FAM120C: variants seen among roughly 807,000 people sequenced by gnomAD.
FAM120C encodes the protein family with sequence similarity 120 member C.
Under a neutral mutation model 71.2 loss-of-function variants are expected in FAM120C, and 14 were observed. That is an observed-to-expected ratio of 0.20 (90% CI 0.13 to 0.31). FAM120C has a LOEUF of 0.31. FAM120C is among the 10% of genes least tolerant of loss of function. The pLI is 1.00. For synonymous variants in FAM120C, 354 were observed against 353.2 expected, an observed-to-expected ratio of 1.00 and a Z score of -0.03; for missense variants, 500 against 879.0, an observed-to-expected ratio of 0.57 and a Z score of 5.45.
Position 54,182,694 on chromosome X carries a change from C to A in FAM120C, c.505G>T (p.Val169Phe). Residue 169 changes from valine to phenylalanine, a missense_variant, in exon 1 of 16, where the codon GTC becomes TTC. Transcript: ENST00000375180. ...YPGGDGLELV[V>F]MFPGGLGKDR... is the part of the protein sequence containing the mutation. ...TTGCCCAGGCCCCCCGGGAACATGA[C>A]CACGAGCTCCAGGCCGTCGCCGCCA... 4.1e-6 allele frequency: 5 copies of A among 1,209,747 alleles called. No homozygotes were observed. The highest frequency in any genetic ancestry group is 4.5e-6 in the Non-Finnish European group (4 of 894,851).
chrX:54,174,663 AGAT>A (rs1486311514), intron 1 of FAM120C, among the ~76,000 whole-genome samples: 1 of 112,751 alleles, frequency 8.9e-6, no homozygotes, highest in Non-Finnish European at 1.9e-5. Flanking sequence ...TCATTCAACT[AGAT>A]GATGCCTTAA....
In FAM120C at chrX:54,182,869, G is replaced by GGGCGGC. The variant is rs781789688; in HGVS notation, c.324_329dup (p.Pro110_Pro111dup). 160,818 of 1,128,692 alleles carry GGGCGGC rather than the reference G, an allele frequency of 0.14. 9,300 individuals are homozygous for GGGCGGC. The highest frequency in any genetic ancestry group is 0.18 in the Middle Eastern group (686 of 3,774). 93.0% of individuals were successfully genotyped at this position (1,128,692 alleles called of 1,213,427 possible). A position where few individuals can be genotyped will look rare whatever the true frequency, so the allele number is the denominator to read the frequency against. ...GCACCCGGGCCCCGGGCAGCTGAGG[G>GGGCGGC]GGCGGCGGCGGCGGCAGCGGAGGGT... is the stretch of plus-strand genomic sequence containing the variant. On this transcript the variant is annotated inframe_insertion, in exon 1 of 16. Transcript: ENST00000375180.
At chrX:54,129,435 A>G (rs1237004181) in intron 9 of FAM120C, among the ~76,000 whole-genome samples, 3 of 107,351 alleles carry the variant, frequency 2.8e-5, no homozygotes, top group African/African-American at 1.0e-4. Flanking sequence ...GGCCGGGCAG[A>G]GAAGCTCCTC....
At chrX:54,101,058 T>C (rs782798926) in intron 10 of FAM120C, among the ~76,000 whole-genome samples, 1 of 111,906 alleles carries the variant, frequency 8.9e-6, no homozygotes, top group East Asian at 2.8e-4. Context: ...TACAAGTCTC[T>C]ACCTGGGCTC....
chrX:54,102,724 G>GT (rs782079582), intron 10 of FAM120C, among the ~76,000 whole-genome samples: 291 of 64,832 alleles, frequency 4.5e-3, no homozygotes, highest in African/African-American at 0.012. Flanking sequence ...GTATTTACGT[G>GT]TTTTTTTTTT....
chrX:54,134,083 G>A, intron 7 of FAM120C, 37 bp from the exon 8 acceptor site: 1 of 1,176,108 alleles, frequency 8.5e-7, no homozygotes, highest in Non-Finnish European at 1.1e-6. Context: ...AACAGAAAAG[G>A]GAGATTGATA....
Position 54,072,573 on chromosome X carries a change from A to C in FAM120C, c.*460T>G, listed in dbSNP as rs2066715807. On this transcript the variant is annotated 3_prime_UTR_variant, in exon 16 of 16. Transcript: ENST00000375180. ...AGATACCACTTCATAGAGAAAAAAAAAAAACAAAAAAAAACCTCAGGAGGC... is the reference window on the plus strand; with the variant it reads ...AGATACCACTTCATAGAGAAAAAAACAAAACAAAAAAAAACCTCAGGAGGC... The C allele has an allele frequency of 9.1e-6, 1 of 110,013 alleles. No individual in the cohort carries two copies. The highest frequency in any genetic ancestry group is 3.4e-5 in the African/African-American group (1 of 29,833). 9.1% of individuals were successfully genotyped at this position (110,013 alleles called of 1,213,427 possible).
chrX:54,154,354 T>C (rs1260735397), intron 3 of FAM120C, among the ~76,000 whole-genome samples: 2 of 109,174 alleles, frequency 1.8e-5, no homozygotes, highest in East Asian at 5.8e-4. Context: ...ACACCTGTAA[T>C]CCAGCACTTT....
At chrX:54,174,184 AAGAG>A (rs781920600) in intron 1 of FAM120C, 7 of 510,500 alleles carry the variant, frequency 1.4e-5, no homozygotes, top group African/African-American at 4.6e-5. Flanking sequence ...GCCAGAGAGA[AAGAG>A]AGAGAGAGTG....
chrX:54,163,874 CCTT>C (rs2067246003), intron 1 of FAM120C, among the ~76,000 whole-genome samples: 1 of 104,892 alleles, frequency 9.5e-6, no homozygotes, highest in Non-Finnish European at 1.9e-5. Context: ...TTGCCCCCCT[CCTT>C]TTTATGTTGT....
chrX:54,151,430 A>T, intron 3 of FAM120C, 57 bp from the exon 4 acceptor site: 1 of 1,128,498 alleles, frequency 8.9e-7, no homozygotes, highest in South Asian at 2.0e-5. Flanking sequence ...ACTAAGAAAA[A>T]GAGTGAAGTT....
chrX:54,132,710 G>A lies in FAM120C; in HGVS notation c.2044C>T (p.Arg682Trp), dbSNP rs782582515. ...QRKMERLAMR[R>W]RLPVEVPSVI... is the part of the protein sequence containing the mutation. ...CACTTACCTTCCACAGGCAGCCGCC[G>A]TCGCATGGCCAAGCGTTCCATTTTC... The change falls in exon 9 of 16, where the codon CGG becomes TGG. Residue 682 changes from arginine to tryptophan, a missense_variant. Arg to Trp is a moderately radical substitution (Grantham distance 101, BLOSUM62 -3). Transcript: ENST00000375180. The A allele has an allele frequency of 8.3e-6, 10 of 1,203,370 alleles. No homozygotes were observed. The highest frequency in any genetic ancestry group is 3.6e-5 in the South Asian group (2 of 55,163).
In FAM120C at chrX:54,183,185, C is replaced by G; in HGVS notation, c.14G>C (p.Gly5Ala). The G allele has an allele frequency of 8.9e-7, 1 of 1,124,421 alleles. No individual in the cohort carries two copies. The highest frequency in any genetic ancestry group is 3.5e-5 in the East Asian group (1 of 28,807). The allele number at this position is 1,124,421 out of a possible 1,213,427, so 92.7% of individuals were successfully genotyped here. The part of the protein sequence containing the change: MGVQ[G>A]FQEFLEKRCP... ...GCGCTTCTCCAGGAACTCTTGGAAG[C>G]CCTGGACACCCATGCTTCGTCGGTG... The change falls in exon 1 of 16, where the codon GGC (glycine) becomes GCC (alanine). Residue 5 changes from glycine (G) to alanine (A), a missense_variant. Gly to Ala is a moderately conservative substitution (Grantham distance 60). Coordinates refer to ENST00000375180, the MANE Select transcript of FAM120C (RefSeq NM_017848.6).
chrX:54,129,343 G>A (rs1291861473), intron 9 of FAM120C, among the ~76,000 whole-genome samples: 4 of 108,672 alleles, frequency 3.7e-5, no homozygotes, highest in Non-Finnish European at 7.7e-5. Context: ...TCCCAGACGG[G>A]GTCGCAGCCG....
intron 9 of FAM120C, among the ~76,000 whole-genome samples, chrX:54,124,986 T>C (rs189556709): frequency 9.0e-6 from 1 of 111,577 alleles, no homozygotes; most frequent in African/African-American, 3.3e-5. Flanking sequence ...ACACCATTTA[T>C]ATAAAAGAAA....
chrX:54,108,443 G>T (rs1392379506), intron 10 of FAM120C, among the ~76,000 whole-genome samples: 1 of 110,715 alleles, frequency 9.0e-6, no homozygotes, highest in East Asian at 2.8e-4. Context: ...ATTATATATG[G>T]AAGAGTAAGG....
At chrX:54,091,594 T>C (rs948858885) in intron 10 of FAM120C, among the ~76,000 whole-genome samples, 168 bp from the exon 11 acceptor site, 1 of 111,656 alleles carries the variant, frequency 9.0e-6, no homozygotes, top group African/African-American at 3.2e-5. Flanking sequence ...GTCTGGGTGG[T>C]AGAGGAAAAG....
intron 1 of FAM120C, among the ~76,000 whole-genome samples, chrX:54,178,396 G>A (rs1161657159): frequency 3.6e-5 from 4 of 111,828 alleles, no homozygotes; most frequent in East Asian, 5.6e-4. Flanking sequence ...AACAGTGTAC[G>A]ATCATACACA....
intron 3 of FAM120C, among the ~76,000 whole-genome samples, chrX:54,152,657 C>G (rs1180556608): frequency 1.8e-5 from 2 of 112,922 alleles, no homozygotes; most frequent in Non-Finnish European, 3.7e-5. Flanking sequence ...CTTCCTCAAA[C>G]TGTAATTACT....
Sources: gnomAD v4.1 joint callset for allele counts (sites outside exome capture counted in the v4.1 genomes callset) on GRCh38, gnomAD v4.1.1 for gene constraint, MANE v1.5 for transcripts, NCBI Gene and HGNC (gene_info 2026-07-23, HGNC 2026-07-21) for gene names.